The following CPNE8 variants were observed in gnomAD, a reference collection of about 807,000 sequenced individuals.
The protein encoded by CPNE8 is copine-8.
Under a neutral mutation model 81.5 loss-of-function variants are expected in CPNE8, and 45 were observed. That is an observed-to-expected ratio of 0.55 (90% CI 0.44 to 0.71). The LOEUF (loss-of-function observed/expected upper bound fraction) is 0.71, where lower values mean the gene tolerates loss of function less well. Among genes scored for constraint, CPNE8 ranks in the 30% least tolerant of loss-of-function variants. CPNE8 has a pLI of 0.00. For synonymous variants in CPNE8, 252 were observed against 226.3 expected (o/e 1.11, Z -1.02); for missense variants, 594 against 672.1 (o/e 0.88, Z 1.28).
At chr12:38,659,139 C>A (rs1938893566) in intron 19 of CPNE8, among the ~76,000 whole-genome samples, 1 of 151,534 alleles carries the variant, frequency 6.6e-6, no homozygotes, top group African/African-American at 2.4e-5. Context: ...GTGTCCTGTA[C>A]TCAGGAGACC....
intron 6 of CPNE8, among the ~76,000 whole-genome samples, chr12:38,798,422 A>G (rs575491013): frequency 6.6e-6 from 1 of 152,306 alleles, no homozygotes; most frequent in East Asian, 1.9e-4. Flanking sequence ...AGAATTTTCA[A>G]CCCAGAATTT....
chr12:38,867,335 TGTGTGAGAGA>T (rs1312855780), intron 3 of CPNE8, among the ~76,000 whole-genome samples: 125 of 143,170 alleles, frequency 8.7e-4, no homozygotes, highest in Middle Eastern at 3.5e-3. Context: ...TGTGTGTGTG[TGTGTGAGAGA>T]GAGAGAGAGA....
chr12:38,702,829 A>T, intron 14 of CPNE8, 46 bp downstream of exon 14: 1 of 1,120,256 alleles, frequency 8.9e-7, no homozygotes, highest in Non-Finnish European at 1.3e-6. Context: ...TTTATTTTTC[A>T]TGTAATTGCT....
chr12:38,893,912 A>G (rs1944348839), intron 1 of CPNE8, among the ~76,000 whole-genome samples: 1 of 152,226 alleles, frequency 6.6e-6, no homozygotes, highest in Non-Finnish European at 1.5e-5. Context: ...TGAAAGTAAA[A>G]TAGCCTTTTT....
chr12:38,803,724 T>A (rs990187724), intron 6 of CPNE8, among the ~76,000 whole-genome samples: 3 of 149,736 alleles, frequency 2.0e-5, no homozygotes, highest in Non-Finnish European at 4.4e-5. Flanking sequence ...AAATTGTCCC[T>A]GTTTGCAGAC....
At chr12:38,871,513 G>A (rs1326320151) in intron 3 of CPNE8, among the ~76,000 whole-genome samples, 2 of 152,134 alleles carry the variant, frequency 1.3e-5, no homozygotes, top group African/African-American at 4.8e-5. Context: ...GATAATCAAA[G>A]GGATGATTAG....
At chr12:38,892,798 A>G (rs1314474064) in intron 1 of CPNE8, among the ~76,000 whole-genome samples, 1 of 152,170 alleles carries the variant, frequency 6.6e-6, no homozygotes, top group Non-Finnish European at 1.5e-5. Context: ...AACATATTAG[A>G]AAAGTAAATT....
chr12:38,786,177 T>C (rs1031804940), intron 6 of CPNE8, among the ~76,000 whole-genome samples: 2 of 152,064 alleles, frequency 1.3e-5, no homozygotes, highest in South Asian at 4.2e-4. Flanking sequence ...ACACTTAACT[T>C]ATAAAGACAA....
intron 6 of CPNE8, among the ~76,000 whole-genome samples, chr12:38,786,721 C>A (rs1942196395): frequency 6.6e-6 from 1 of 151,920 alleles, no homozygotes; most frequent in Admixed American, 6.6e-5. Context: ...GGTTTCAAGA[C>A]AAAAACTATC....
chr12:38,827,768 T>C (rs1321625686), intron 6 of CPNE8, among the ~76,000 whole-genome samples: 1 of 152,030 alleles, frequency 6.6e-6, no homozygotes, highest in African/African-American at 2.4e-5. Flanking sequence ...GAGATAAACA[T>C]TGAGTAGTCA....
intron 3 of CPNE8, among the ~76,000 whole-genome samples, chr12:38,868,389 C>T (rs1220107849): frequency 6.6e-6 from 1 of 152,088 alleles, no homozygotes; most frequent in African/African-American, 2.4e-5. Flanking sequence ...ATAATCCTAA[C>T]AGTAATTATT....
At chr12:38,904,538 A>G (rs1219100984) in intron 1 of CPNE8, among the ~76,000 whole-genome samples, 3 of 146,302 alleles carry the variant, frequency 2.1e-5, no homozygotes, top group African/African-American at 7.7e-5. Context: ...GCAAGATCTC[A>G]GCTCATTGCA....
chr12:38,796,850 G>A (rs1266758939), intron 6 of CPNE8, among the ~76,000 whole-genome samples: 1 of 152,128 alleles, frequency 6.6e-6, no homozygotes, highest in East Asian at 1.9e-4. Context: ...CCCTAATACT[G>A]CGCTTTTCCG....
chr12:38,757,066 T>C (rs1941477292), intron 10 of CPNE8, among the ~76,000 whole-genome samples: 1 of 152,308 alleles, frequency 6.6e-6, no homozygotes, highest in Non-Finnish European at 1.5e-5. Context: ...AATTTAAAAT[T>C]ATATATGTGA....
chr12:38,880,586 T>C (rs547673975), intron 1 of CPNE8, among the ~76,000 whole-genome samples: 9 of 152,296 alleles, frequency 5.9e-5, no homozygotes, highest in African/African-American at 2.2e-4. Flanking sequence ...ATTTAGGGCA[T>C]TATGTTATCT....
intron 6 of CPNE8, among the ~76,000 whole-genome samples, chr12:38,796,251 C>A (rs1942469242): frequency 6.6e-6 from 1 of 151,982 alleles, no homozygotes; most frequent in Admixed American, 6.6e-5. Flanking sequence ...CGTGCTACTG[C>A]ACTCCAGCCT....
At chr12:38,829,615 T>C (rs1480140894) in intron 5 of CPNE8, among the ~76,000 whole-genome samples, 160 bp from the exon 6 acceptor site, 6 of 152,252 alleles carry the variant, frequency 3.9e-5, no homozygotes, top group Non-Finnish European at 5.9e-5. Flanking sequence ...AATCTTACCA[T>C]GTGACTTTCA....
chr12:38,831,349 T>C (rs1943282500), intron 5 of CPNE8, among the ~76,000 whole-genome samples: 1 of 152,126 alleles, frequency 6.6e-6, no homozygotes, highest in Non-Finnish European at 1.5e-5. Flanking sequence ...GAGCAGTGTA[T>C]TCAGAAGATT....
At chr12:38,893,953 A>G (rs1944349769) in intron 1 of CPNE8, among the ~76,000 whole-genome samples, 1 of 152,174 alleles carries the variant, frequency 6.6e-6, no homozygotes. Context: ...AATTATCACC[A>G]CTAGTTTACA....
Sources: gnomAD v4.1 joint callset for allele counts (sites outside exome capture counted in the v4.1 genomes callset) on GRCh38, gnomAD v4.1.1 for gene constraint, MANE v1.5 for transcripts, NCBI Gene and HGNC (gene_info 2026-07-23, HGNC 2026-07-21) for gene names.